COXFA4L2: variants seen among roughly 807,000 people sequenced by gnomAD.
COXFA4L2 encodes cytochrome c oxidase hypoxia associated subunit FA4L2.
the COXFA4L2 span, among the ~76,000 whole-genome samples, chr12:57,236,860 G>A: frequency 6.6e-6 from 1 of 152,050 alleles, no homozygotes; most frequent in Non-Finnish European, 1.5e-5. Flanking sequence ...TCGTGTCCAA[G>A]GTAGTAGATT....
chr12:57,236,762 A>G, the COXFA4L2 span: 1 of 1,101,988 alleles, frequency 9.1e-7, no homozygotes, highest in Non-Finnish European at 1.3e-6. Context: ...TTTTCTGCCC[A>G]CCCCAACCCC....
the COXFA4L2 span, chr12:57,235,378 C>G: frequency 3.6e-5 from 24 of 670,904 alleles, no homozygotes; most frequent in Non-Finnish European, 5.7e-5. Flanking sequence ...GAGGCGCTTC[C>G]GCTGCTGGGA....
chr12:57,236,009 G>A, the COXFA4L2 span, among the ~76,000 whole-genome samples: 1 of 152,184 alleles, frequency 6.6e-6, no homozygotes, highest in African/African-American at 2.4e-5. Flanking sequence ...CAAGAAGCCT[G>A]TCACCATTGT....
the COXFA4L2 span, chr12:57,235,798 T>G: frequency 7.1e-6 from 11 of 1,548,788 alleles, no homozygotes; most frequent in Admixed American, 1.5e-4. Context: ...CGGGTTGTTC[T>G]TTCTGTCCCA....
chr12:57,236,552 C>G, the COXFA4L2 span: 1 of 1,504,836 alleles, frequency 6.6e-7, no homozygotes, highest in Non-Finnish European at 8.9e-7. Flanking sequence ...CCCATCTTGC[C>G]TCACCCAGGC....
the COXFA4L2 span, chr12:57,235,440 G>T: frequency 9.3e-7 from 1 of 1,077,248 alleles, no homozygotes; most frequent in Non-Finnish European, 1.4e-6. Flanking sequence ...TGGGAACCCG[G>T]CCTGTGTAAG....
the COXFA4L2 span, chr12:57,235,890 A>G: frequency 7.5e-7 from 1 of 1,325,188 alleles, no homozygotes; most frequent in Non-Finnish European, 1.0e-6. Context: ...CCCAAGCTCC[A>G]CCCGGAGGCT....
At chr12:57,236,541 C>G in the COXFA4L2 span, 1 of 1,457,202 alleles carries the variant, frequency 6.9e-7, no homozygotes, top group Non-Finnish European at 9.2e-7. Context: ...CCTATTTCCA[C>G]CCCATCTTGC....
the COXFA4L2 span, chr12:57,235,465 G>C: frequency 7.6e-7 from 1 of 1,308,970 alleles, no homozygotes; most frequent in Admixed American, 1.7e-5. Flanking sequence ...AGCGGGACAG[G>C]GTGGCCGGAG....
chr12:57,237,150 C>A, the COXFA4L2 span: 1 of 1,613,870 alleles, frequency 6.2e-7, no homozygotes, highest in Non-Finnish European at 8.5e-7. Flanking sequence ...TGGGGTCCCG[C>A]CCCTGAGTGG....
chr12:57,237,881 G>A, the COXFA4L2 span: 1 of 154,496 alleles, frequency 6.5e-6, no homozygotes, highest in African/African-American at 2.4e-5. Flanking sequence ...GGAAGGGAAT[G>A]GAGTGGGGGA....
At chr12:57,238,300 A>G in the COXFA4L2 span, among the ~76,000 whole-genome samples, 4 of 152,124 alleles carry the variant, frequency 2.6e-5, no homozygotes, top group Admixed American at 2.0e-4. The surrounding 1 kb of genome is among the most constrained non-coding windows in gnomAD (Gnocchi z 6.8). Flanking sequence ...GCGCGGCTGT[A>G]ATTAGGCTGC....
the COXFA4L2 span, chr12:57,237,378 G>A: frequency 7.3e-7 from 1 of 1,362,092 alleles, no homozygotes; most frequent in Non-Finnish European, 9.5e-7. Context: ...TCTGGCATCT[G>A]AGGGAAGGAC....
At chr12:57,236,664 G>A in the COXFA4L2 span, 1 of 1,570,884 alleles carries the variant, frequency 6.4e-7, no homozygotes, top group Non-Finnish European at 8.6e-7. Context: ...GGCAGATTAA[G>A]CCGATCATCG....
At chr12:57,239,130 C>G in the COXFA4L2 span, among the ~76,000 whole-genome samples, 42 of 152,270 alleles carry the variant, frequency 2.8e-4, 1 homozygote, top group South Asian at 4.1e-4. The surrounding 1 kb of genome is among the most constrained non-coding windows in gnomAD (Gnocchi z 5.5). Context: ...CTAACCCGCA[C>G]CAGGATCCCA....
At chr12:57,235,386 G>T in the COXFA4L2 span, 3 of 697,566 alleles carry the variant, frequency 4.3e-6, no homozygotes, top group Non-Finnish European at 7.4e-6. Flanking sequence ...TCCGCTGCTG[G>T]GAGCAAGGGA....
chr12:57,237,030 C>T, the COXFA4L2 span: 1 of 1,614,082 alleles, frequency 6.2e-7, no homozygotes, highest in African/African-American at 1.3e-5. Context: ...AGGACTCACC[C>T]CCGGATGTCT....
the COXFA4L2 span, chr12:57,235,778 T>G: frequency 6.3e-7 from 1 of 1,575,034 alleles, no homozygotes; most frequent in South Asian, 1.2e-5. Flanking sequence ...CTCAGGCGGT[T>G]CCAGGGCTCC....
At chr12:57,238,190 G>T in the COXFA4L2 span, among the ~76,000 whole-genome samples, 1 of 152,150 alleles carries the variant, frequency 6.6e-6, no homozygotes, top group Non-Finnish European at 1.5e-5. The surrounding 1 kb of genome is among the most constrained non-coding windows in gnomAD (Gnocchi z 6.8). Context: ...CTATGCACCC[G>T]TCTCTGGGAT....
Sources: gnomAD v4.1 joint callset for allele counts (sites outside exome capture counted in the v4.1 genomes callset) on GRCh38, gnomAD v4.1.1 for gene constraint, Gnocchi (gnomAD v3.1) non-coding constraint, MANE v1.5 for transcripts, NCBI Gene and HGNC (gene_info 2026-07-23, HGNC 2026-07-21) for gene names.